The following PUS10 variants were observed in gnomAD, a reference collection of about 807,000 sequenced individuals.
PUS10 encodes tRNA pseudouridine synthase Pus10.
Under a neutral mutation model 75.0 loss-of-function variants are expected in PUS10, and 59 were observed. That is an observed-to-expected ratio of 0.79 (90% CI 0.64 to 0.98). The LOEUF (loss-of-function observed/expected upper bound fraction) is 0.98, where lower values mean the gene tolerates loss of function less well. Among genes scored for constraint, PUS10 ranks in the 50% least tolerant of loss-of-function variants. The probability of loss-of-function intolerance (pLI) is 0.00; values close to 1 mark genes in which losing one functional copy is unlikely to be tolerated. For synonymous variants in PUS10, 219 were observed against 211.6 expected, an observed-to-expected ratio of 1.03 and a Z score of -0.30; for missense variants, 650 against 614.4, an observed-to-expected ratio of 1.06 and a Z score of -0.61.
At chr2:60,963,584 T>C (rs1482028018) in intron 8 of PUS10, among the ~76,000 whole-genome samples, 1 of 152,190 alleles carries the variant, frequency 6.6e-6, no homozygotes, top group Non-Finnish European at 1.5e-5. Flanking sequence ...TTAGGAGAAA[T>C]CACATTTGAC....
At chr2:60,996,800 C>A (rs1678495608) in intron 4 of PUS10, among the ~76,000 whole-genome samples, 2 of 152,148 alleles carry the variant, frequency 1.3e-5, no homozygotes, top group African/African-American at 4.8e-5. Flanking sequence ...AGCATATCTT[C>A]TTTCCAATCT....
At chr2:60,996,414 T>C (rs1678463323) in intron 4 of PUS10, among the ~76,000 whole-genome samples, 2 of 152,278 alleles carry the variant, frequency 1.3e-5, no homozygotes, top group East Asian at 1.9e-4. Flanking sequence ...TAGTCTTATG[T>C]TCTCCTTAAC....
rs115762237 is a variant in PUS10, at chr2:60,971,756, A to G, written c.469-199T>C. On this transcript the variant is annotated intron_variant, in intron 4 of 17. Coordinates refer to ENST00000316752, the MANE Select transcript of PUS10 (RefSeq NM_144709.4). Reference sequence around the variant, plus strand: ...AAATGAGGTAAGATTTTATTTTGCAATGGTGGTTTACTGTGGCCTAGGAAT... The same window carrying G: ...AAATGAGGTAAGATTTTATTTTGCAGTGGTGGTTTACTGTGGCCTAGGAAT... 7.6e-3 allele frequency among the ~76,000 whole-genome samples: 1,156 copies of G among 152,174 alleles called. 16 individuals carry two copies. Among genetic ancestry groups the G allele is most frequent in the African/African-American group, 0.027 (1,113 of 41,520 alleles).
At chr2:61,017,146 T>C (rs923002223) in intron 1 of PUS10, 5 of 152,532 alleles carry the variant, frequency 3.3e-5, no homozygotes, top group African/African-American at 1.2e-4. Flanking sequence ...ACCTCTTACC[T>C]ACCCGCCTCA....
rs114227923 is a variant in PUS10, at chr2:60,997,294, C to T, written c.468+9263G>A. On this transcript the variant is annotated intron_variant, in intron 4 of 17. Transcript: ENST00000316752. ...GGGGTAGTCCCTAAAAGAACTAAGA[C>T]TCAAAAGCATTTAACTTTTAAAAGG... Among the ~76,000 whole-genome samples the T allele has an allele frequency of 7.7e-3, 1,177 of 152,270 alleles. 8 individuals carry two copies. The highest frequency in any genetic ancestry group is 0.012 in the Non-Finnish European group (797 of 68,000).
At chr2:60,949,318 G>A (rs902356284) in intron 15 of PUS10, among the ~76,000 whole-genome samples, 7 of 152,092 alleles carry the variant, frequency 4.6e-5, no homozygotes, top group African/African-American at 1.7e-4. Context: ...TAGAGAAACA[G>A]CAGGCCTTTA....
In PUS10 at chr2:61,011,722, C is replaced by A. The variant is rs1343700989; in HGVS notation, c.126+43G>T. 43 of 1,403,778 alleles carry A rather than the reference C, an allele frequency of 3.1e-5. 1 individual carries two copies. Among genetic ancestry groups the A allele is most frequent in the Non-Finnish European group, 3.9e-5 (41 of 1,059,560 alleles). The allele number at this position is 1,403,778 out of a possible 1,614,324, so 87.0% of individuals were successfully genotyped here. A position where few individuals can be genotyped will look rare whatever the true frequency, so the allele number is the denominator to read the frequency against. ...AGCATTCATTGTAAAATACAGAGAACCTTCTCTTAATTTGAAAAAAAAAAA... is the reference window on the plus strand; with the variant it reads ...AGCATTCATTGTAAAATACAGAGAAACTTCTCTTAATTTGAAAAAAAAAAA... On this transcript the variant is annotated intron_variant, in intron 2 of 17. Coordinates refer to ENST00000316752, the MANE Select transcript of PUS10 (RefSeq NM_144709.4).
chr2:60,956,053 G>A (rs984706256), intron 11 of PUS10, among the ~76,000 whole-genome samples: 51 of 151,424 alleles, frequency 3.4e-4, no homozygotes, highest in African/African-American at 1.1e-3. Context: ...TAAGTTGATC[G>A]TCACGGACTA....
At chr2:60,992,332 AT>A (rs1031607474) in intron 4 of PUS10, among the ~76,000 whole-genome samples, 6 of 152,060 alleles carry the variant, frequency 3.9e-5, no homozygotes, top group African/African-American at 1.4e-4. Flanking sequence ...ACCTTAATAC[AT>A]GTCTACATTT....
At chr2:61,017,365 G>A (rs1009079883) in intron 1 of PUS10, 5 of 171,456 alleles carry the variant, frequency 2.9e-5, no homozygotes, top group Middle Eastern at 2.4e-3. Context: ...AAACTGCCTG[G>A]TTTGCCACCT....
chr2:60,980,589 T>A (rs780921347), intron 4 of PUS10, among the ~76,000 whole-genome samples: 1 of 152,170 alleles, frequency 6.6e-6, no homozygotes, highest in Non-Finnish European at 1.5e-5. Context: ...AAATCACTTA[T>A]AGAAACTTGG....
chr2:60,983,056 G>A (rs1318778502), intron 4 of PUS10, among the ~76,000 whole-genome samples: 1 of 152,054 alleles, frequency 6.6e-6, no homozygotes, highest in Non-Finnish European at 1.5e-5. Context: ...ACCATACCTA[G>A]CTAATTTTTT....
chr2:60,965,714 A>C lies in PUS10; in HGVS notation c.616-230T>G, dbSNP rs144049552. Reference sequence around the variant, plus strand: ...CAGTCATTAGTGATCCTACCAAAAAAGTTTTAAAATAAATGTGTATACTTT... The same window carrying C: ...CAGTCATTAGTGATCCTACCAAAAACGTTTTAAAATAAATGTGTATACTTT... On this transcript the variant is annotated intron_variant, in intron 6 of 17. Coordinates refer to ENST00000316752, the MANE Select transcript of PUS10 (RefSeq NM_144709.4). 1.6e-3 allele frequency: 529 copies of C among 337,934 alleles called. 1 individual carries two copies. The highest frequency in any genetic ancestry group is 0.01 in the African/African-American group (483 of 46,720). 20.9% of individuals were successfully genotyped at this position (337,934 alleles called of 1,614,324 possible).
At chr2:60,985,938 C>CAAAA (rs59173202) in intron 4 of PUS10, among the ~76,000 whole-genome samples, 1 of 82,142 alleles carries the variant, frequency 1.2e-5, no homozygotes, top group Non-Finnish European at 2.4e-5. Context: ...CAGACTTCAC[C>CAAAA]AAAAAAAAAA....
intron 4 of PUS10, among the ~76,000 whole-genome samples, chr2:60,992,309 C>A (rs865928264): frequency 6.6e-6 from 1 of 152,100 alleles, no homozygotes; most frequent in African/African-American, 2.4e-5. Flanking sequence ...AGCCACTATA[C>A]GCAGCCAGAA....
chr2:60,956,704 G>T (rs181379160), intron 11 of PUS10, among the ~76,000 whole-genome samples: 1 of 152,024 alleles, frequency 6.6e-6, no homozygotes, highest in Non-Finnish European at 1.5e-5. Context: ...GGCTGGGTGC[G>T]GTGGCTCACG....
intron 15 of PUS10, among the ~76,000 whole-genome samples, chr2:60,949,743 A>C (rs763472773): frequency 1.3e-5 from 2 of 152,182 alleles, no homozygotes; most frequent in Non-Finnish European, 2.9e-5. Flanking sequence ...TGGACCATTA[A>C]AAAAGACCCT....
intron 5 of PUS10, 100 bp from the exon 6 acceptor site, chr2:60,967,713 CT>C: frequency 1.3e-6 from 1 of 752,676 alleles, no homozygotes; most frequent in Non-Finnish European, 2.2e-6. Context: ...GATTGAGTGC[CT>C]AGTATGTACC....
At chr2:61,016,974 A>T in intron 1 of PUS10, among the ~76,000 whole-genome samples, 1 of 152,054 alleles carries the variant, frequency 6.6e-6, no homozygotes, top group East Asian at 1.9e-4. Flanking sequence ...TCATCCCGAG[A>T]TCTAACCTCA....
Sources: gnomAD v4.1 joint callset for allele counts (sites outside exome capture counted in the v4.1 genomes callset) on GRCh38, gnomAD v4.1.1 for gene constraint, MANE v1.5 for transcripts, NCBI Gene and HGNC (gene_info 2026-07-23, HGNC 2026-07-21) for gene names.